RBMS1: variants seen among roughly 807,000 people sequenced by gnomAD.
RBMS1 encodes RNA binding motif single stranded interacting protein 1, also known as RNA-binding motif, single-stranded-interacting protein 1.
Under a neutral mutation model 62.3 loss-of-function variants are expected in RBMS1, and 17 were observed. The ratio of observed to expected loss-of-function variants is 0.27; its 90% CI spans 0.19 to 0.41. RBMS1 has a LOEUF of 0.41. Among genes scored for constraint, RBMS1 ranks in the 10% least tolerant of loss-of-function variants. The pLI, the probability that RBMS1 is intolerant of heterozygous loss-of-function variation, is 1.00. For synonymous variants in RBMS1, 172 were observed against 170.0 expected, an observed-to-expected ratio of 1.01 and a Z score of -0.09; for missense variants, 334 against 504.5, an observed-to-expected ratio of 0.66 and a Z score of 3.24.
At chr2:160,449,506 C>A (rs1683866771) in intron 1 of RBMS1, among the ~76,000 whole-genome samples, 2 of 152,208 alleles carry the variant, frequency 1.3e-5, no homozygotes, top group South Asian at 4.1e-4. Context: ...CCTTGGGATG[C>A]TGTTAATCTA....
At chr2:160,282,384 G>A in intron 9 of RBMS1, 2 of 1,251,680 alleles carry the variant, frequency 1.6e-6, no homozygotes, top group Admixed American at 1.9e-5. Context: ...CATTGGGGTT[G>A]GTGGTTTCTT....
rs1173854454 is a variant in RBMS1, at chr2:160,281,335, T to C, written c.930A>G (p.Gln310=). ...QVQSPSWMQP[Q]PYILQHPGAV... Reference sequence around the variant, plus strand: ...TTACAGGGTGCTGTAGAATATATGGTTGAGGTTGCATCCACGAAGGACTTT... The same window carrying C: ...TTACAGGGTGCTGTAGAATATATGGCTGAGGTTGCATCCACGAAGGACTTT... The change falls in exon 10 of 14, where the codon CAA becomes CAG. Residue 310 remains glutamine (Q), a synonymous_variant. Coordinates refer to ENST00000348849, the MANE Select transcript of RBMS1 (RefSeq NM_016836.4). 1 of 1,610,068 alleles carries C rather than the reference T, an allele frequency of 6.2e-7. No individual in the cohort carries two copies. The highest frequency in any genetic ancestry group is 2.2e-5 in the East Asian group (1 of 44,788).
chr2:160,435,114 A>T (rs897883754), intron 1 of RBMS1, among the ~76,000 whole-genome samples: 4 of 152,178 alleles, frequency 2.6e-5, no homozygotes, highest in African/African-American at 7.2e-5. Context: ...GAAAAGAAAG[A>T]TCTTGCTAAC....
intron 2 of RBMS1, among the ~76,000 whole-genome samples, chr2:160,348,769 A>G (rs1317003041): frequency 1.3e-5 from 2 of 152,152 alleles, no homozygotes; most frequent in Non-Finnish European, 1.5e-5. Flanking sequence ...GTGAATGATG[A>G]TAAGAAAATG....
At chr2:160,440,487 C>T (rs1055918903) in intron 1 of RBMS1, among the ~76,000 whole-genome samples, 1 of 152,162 alleles carries the variant, frequency 6.6e-6, no homozygotes, top group Non-Finnish European at 1.5e-5. Flanking sequence ...GGAAGGATCT[C>T]CATGTACCAC....
intron 2 of RBMS1, 37 bp downstream of exon 2, chr2:160,367,179 C>G: frequency 6.3e-7 from 1 of 1,586,140 alleles, no homozygotes; most frequent in Non-Finnish European, 8.6e-7. Context: ...CAAGAAAATA[C>G]TTAGCAGCTA....
intron 2 of RBMS1, among the ~76,000 whole-genome samples, chr2:160,354,635 G>A (rs1271466042): frequency 6.6e-6 from 1 of 152,136 alleles, no homozygotes; most frequent in Non-Finnish European, 1.5e-5. Context: ...GCAGGAAAGT[G>A]TCCTTTGTAA....
chr2:160,473,146 G>T (rs575878172), intron 1 of RBMS1, among the ~76,000 whole-genome samples: 51 of 152,300 alleles, frequency 3.3e-4, no homozygotes, highest in African/African-American at 1.2e-3. Context: ...TGTTTGCCTT[G>T]ATTAGTGCAG....
At chr2:160,344,151 A>T (rs1427663256) in intron 2 of RBMS1, among the ~76,000 whole-genome samples, 1 of 152,168 alleles carries the variant, frequency 6.6e-6, no homozygotes, top group Non-Finnish European at 1.5e-5. Flanking sequence ...ATTTTTTAAA[A>T]GTCAAGATGA....
rs1689866017 is a variant in RBMS1 at position 160,311,232 on chromosome 2, C to CTATATATCTATATATCTATATATATATA, written c.402+1923_402+1924insTATATATATATAGATATATAGATATATA. On this transcript the variant is annotated intron_variant, in intron 4 of 13. Transcript: ENST00000348849. ...AAAATCTATCTATCTATCTATCTAT[C>CTATATATCTATATATCTATATATATATA]TATATATATATATATATATATATAT... 1.7e-3 allele frequency among the ~76,000 whole-genome samples: 136 copies of CTATATATCTATATATCTATATATATATA among 79,154 alleles called. 1 individual carries two copies. Among genetic ancestry groups the CTATATATCTATATATCTATATATATATA allele is most frequent in the African/African-American group, 3.3e-3 (75 of 22,686 alleles). The allele number at this position is 79,154 out of a possible 152,430, so 51.9% of individuals were successfully genotyped here.
rs1559323095 is a variant in RBMS1, at chr2:160,287,067, A to G, written c.658T>C (p.Leu220=). ...TGTCCTCCATCAGCAAACTTACACA[A>G]TAAAGGTTCTGTGGGGGCTAAGTAA... ...PGVSAPTEPL[L]CKFADGGQKK... The change falls in exon 7 of 14, where the codon TTG becomes CTG. Residue 220 remains leucine (L), a synonymous_variant. Coordinates refer to ENST00000348849, the MANE Select transcript of RBMS1 (RefSeq NM_016836.4). 1 of 1,614,112 alleles carries G rather than the reference A, an allele frequency of 6.2e-7. No homozygotes were observed. The highest frequency in any genetic ancestry group is 8.5e-7 in the Non-Finnish European group (1 of 1,180,026).
chr2:160,352,086 T>C (rs992425095), intron 2 of RBMS1, among the ~76,000 whole-genome samples: 1 of 152,160 alleles, frequency 6.6e-6, no homozygotes, highest in Non-Finnish European at 1.5e-5. Flanking sequence ...AGCTGACTCA[T>C]AACTTCTTAG....
chr2:160,325,674 G>C (rs1690882649), intron 2 of RBMS1, among the ~76,000 whole-genome samples: 1 of 152,108 alleles, frequency 6.6e-6, no homozygotes, highest in Non-Finnish European at 1.5e-5. Flanking sequence ...CATTACGTCT[G>C]TTTAGCAAAT....
chr2:160,308,199 G>C (rs1244678262), intron 4 of RBMS1, among the ~76,000 whole-genome samples: 2 of 152,052 alleles, frequency 1.3e-5, no homozygotes, highest in Non-Finnish European at 2.9e-5. Flanking sequence ...TGCGAGACCA[G>C]CCTGGGCAAC....
At chr2:160,366,103 G>T (rs549783607) in intron 2 of RBMS1, among the ~76,000 whole-genome samples, 7 of 152,322 alleles carry the variant, frequency 4.6e-5, no homozygotes, top group African/African-American at 1.7e-4. Flanking sequence ...AAGTTCTCCA[G>T]ATCCTGAAGA....
At chr2:160,374,951 G>C (rs903431023) in intron 1 of RBMS1, among the ~76,000 whole-genome samples, 2 of 151,512 alleles carry the variant, frequency 1.3e-5, no homozygotes, top group Admixed American at 6.6e-5. Context: ...CGGTGGGGGG[G>C]AGGAATTGAA....
Position 160,493,348 on chromosome 2 carries a change from T to C in RBMS1, c.16A>G (p.Lys6Glu). Residue 6 changes from lysine (K) to glutamate (E), a missense_variant, in exon 1 of 14, where the codon AAA becomes GAA. Transcript: ENST00000348849. ...GCGTACTGAGGGTACATCTGCTGTT[T>C]CCACACTTTGCCCATGAAGCTGGAA... MGKVW[K>E]QQMYPQYATY... is the part of the protein sequence containing the mutation. 6.2e-7 allele frequency: 1 copy of C among 1,613,380 alleles called. No individual in the cohort carries two copies. Among genetic ancestry groups the C allele is most frequent in the South Asian group, 1.1e-5 (1 of 91,062 alleles).
intron 2 of RBMS1, among the ~76,000 whole-genome samples, chr2:160,356,294 CTTTAT>C (rs1328336445): frequency 3.3e-5 from 5 of 152,060 alleles, no homozygotes; most frequent in East Asian, 1.9e-4. Flanking sequence ...ATCCTCCTGC[CTTTAT>C]TTTGAGTTTT....
At chr2:160,408,929 A>G (rs578145756) in intron 1 of RBMS1, among the ~76,000 whole-genome samples, 12 of 152,302 alleles carry the variant, frequency 7.9e-5, no homozygotes, top group South Asian at 6.2e-4. Context: ...TAAATACTAC[A>G]GAGTTCTTCC....
Sources: allele counts gnomAD v4.1 joint callset (sites outside exome capture counted in the v4.1 genomes callset), GRCh38; gene constraint gnomAD v4.1.1; transcripts MANE v1.5; gene names NCBI Gene and HGNC (gene_info 2026-07-23, HGNC 2026-07-21).